The following MYO16 variants were observed in gnomAD, a reference collection of about 807,000 sequenced individuals.
MYO16 encodes myosin XVI, also known as unconventional myosin-XVI.
Under a neutral mutation model 205.3 loss-of-function variants are expected in MYO16, and 94 were observed. That is an observed-to-expected ratio of 0.46 (90% CI 0.39 to 0.54). MYO16 has a LOEUF of 0.54. Among genes scored for constraint, MYO16 ranks in the 20% least tolerant of loss-of-function variants. The pLI is 0.00. For synonymous variants in MYO16, 988 were observed against 954.0 expected, an observed-to-expected ratio of 1.04 and a Z score of -0.66; for missense variants, 2,315 against 2,387.5, an observed-to-expected ratio of 0.97 and a Z score of 0.63.
chr13:108,733,196 A>G (rs569842095), intron 4 of MYO16, among the ~76,000 whole-genome samples: 3 of 152,304 alleles, frequency 2.0e-5, no homozygotes, highest in East Asian at 1.9e-4. Context: ...TGCTACTTGA[A>G]TTGAACCACA....
chr13:108,607,671 C>T (rs999297834), intron 1 of MYO16, among the ~76,000 whole-genome samples: 5 of 152,118 alleles, frequency 3.3e-5, no homozygotes, highest in Admixed American at 2.0e-4. Context: ...AAATAACAAA[C>T]TAATACATGT....
intron 2 of MYO16, among the ~76,000 whole-genome samples, chr13:108,707,469 T>C (rs1420691530): frequency 1.3e-5 from 2 of 152,144 alleles, no homozygotes; most frequent in South Asian, 2.1e-4. Context: ...TCGAGGGTCA[T>C]TGCCCAGACT....
intron 4 of MYO16, among the ~76,000 whole-genome samples, chr13:108,760,678 G>A (rs1170421143): frequency 6.6e-6 from 1 of 152,156 alleles, no homozygotes; most frequent in Admixed American, 6.6e-5. Context: ...TCACTCATAT[G>A]TGGGGACTAA....
the MYO16 span, among the ~76,000 whole-genome samples, chr13:108,546,797 G>A: frequency 2.0e-5 from 3 of 152,168 alleles, no homozygotes; most frequent in African/African-American, 7.2e-5. Context: ...TTGTTTGTCA[G>A]TGTAGTCAAA....
At chr13:109,193,414 C>T (rs1006647768) in intron 34 of MYO16, among the ~76,000 whole-genome samples, 1 of 152,148 alleles carries the variant, frequency 6.6e-6, no homozygotes, top group African/African-American at 2.4e-5. Context: ...CATTGATTTG[C>T]TAATCTGTGC....
At chr13:109,084,838 A>G (rs1209479214) in intron 27 of MYO16, among the ~76,000 whole-genome samples, 1 of 152,024 alleles carries the variant, frequency 6.6e-6, no homozygotes, top group Non-Finnish European at 1.5e-5. Flanking sequence ...ATGCACAAAA[A>G]AGCCCCTATC....
intron 32 of MYO16, among the ~76,000 whole-genome samples, chr13:109,144,164 A>T (rs548831818): frequency 6.6e-6 from 1 of 151,774 alleles, no homozygotes. Context: ...ACAAGCGCCC[A>T]CTACCATGCC....
intron 9 of MYO16, among the ~76,000 whole-genome samples, chr13:108,832,233 C>G (rs1235386287): frequency 4.6e-5 from 7 of 151,098 alleles, no homozygotes; most frequent in African/African-American, 1.7e-4. Context: ...ACCTCCGCCT[C>G]CTGGGCTCAA....
intron 10 of MYO16, 92 bp from the exon 11 acceptor site, chr13:108,855,351 G>T: frequency 7.6e-6 from 4 of 523,288 alleles, no homozygotes; most frequent in Non-Finnish European, 9.3e-6. Context: ...GTCTTCAAAT[G>T]TTTGACAGGT....
intron 32 of MYO16, among the ~76,000 whole-genome samples, chr13:109,152,242 AC>A (rs570609889): frequency 1.1e-3 from 165 of 152,284 alleles, no homozygotes; most frequent in Non-Finnish European, 2.0e-3. Context: ...CTTTCGAGTA[AC>A]TATTTCAGTC....
chr13:109,011,597 C>T (rs1367485962), intron 22 of MYO16, among the ~76,000 whole-genome samples: 2 of 151,460 alleles, frequency 1.3e-5, no homozygotes, highest in Non-Finnish European at 2.9e-5. Flanking sequence ...TCACTGCAGC[C>T]TCTGCCTCCT....
At chr13:109,120,339 G>A in intron 28 of MYO16, 31 bp from the exon 29 acceptor site, 1 of 1,478,900 alleles carries the variant, frequency 6.8e-7, no homozygotes, top group Non-Finnish European at 9.4e-7. Flanking sequence ...TCTTCATGCT[G>A]TTAAATGTTT....
intron 34 of MYO16, among the ~76,000 whole-genome samples, chr13:109,202,416 A>G (rs2139974181): frequency 6.6e-6 from 1 of 152,290 alleles, no homozygotes; most frequent in East Asian, 1.9e-4. Context: ...GAAAGGTGGT[A>G]TCACATTCTG....
chr13:108,869,834 TG>T (rs1183269977), intron 12 of MYO16, among the ~76,000 whole-genome samples: 27 of 151,070 alleles, frequency 1.8e-4, no homozygotes, highest in African/African-American at 6.3e-4. Flanking sequence ...TTATCTAGTG[TG>T]TTTTAAAAAT....
Position 108,712,700 on chromosome 13 carries a change from T to C in MYO16, c.332T>C (p.Leu111Pro), listed in dbSNP as rs1459375634. The change falls in exon 3 of 35, where the codon CTC becomes CCC. Residue 111 changes from leucine to proline, a missense_variant. Leu to Pro is a moderately conservative substitution (Grantham distance 98, BLOSUM62 -3). Coordinates refer to ENST00000457511, the MANE Select transcript of MYO16 (RefSeq NM_001198950.3). ...LLKEGADPHTLVSSGGSLLHL... is the reference protein window; with the variant it reads ...LLKEGADPHTPVSSGGSLLHL... ...AAGGAGGGGGCAGACCCCCACACCC[T>C]CGTCTCCTCGGGAGGGTCCCTGCTC... The C allele has an allele frequency of 6.2e-7, 1 of 1,614,030 alleles. No individual in the cohort carries two copies. The highest frequency in any genetic ancestry group is 1.1e-5 in the South Asian group (1 of 91,062).
At chr13:109,109,506 C>T (rs370430868) in intron 28 of MYO16, among the ~76,000 whole-genome samples, 4 of 151,698 alleles carry the variant, frequency 2.6e-5, no homozygotes, top group Non-Finnish European at 5.9e-5. Context: ...AGCTGGGAAA[C>T]GAGTTCCCAA....
At chr13:108,661,825 G>A (rs528567058) in intron 1 of MYO16, among the ~76,000 whole-genome samples, 4 of 152,230 alleles carry the variant, frequency 2.6e-5, no homozygotes, top group South Asian at 4.2e-4. Flanking sequence ...CATTGCTGAT[G>A]AACTAACGTG....
chr13:108,956,590 G>T (rs558181430), intron 16 of MYO16, among the ~76,000 whole-genome samples: 7 of 151,798 alleles, frequency 4.6e-5, no homozygotes, highest in Non-Finnish European at 1.0e-4. Flanking sequence ...TCATCTCACC[G>T]TAGGCTCCAA....
chr13:109,105,158 G>A (rs1352917402), intron 28 of MYO16, among the ~76,000 whole-genome samples: 2 of 152,236 alleles, frequency 1.3e-5, no homozygotes, highest in East Asian at 1.9e-4. Flanking sequence ...TACACTTGAT[G>A]TGGATGCAAA....
Sources: gnomAD v4.1 joint callset for allele counts (sites outside exome capture counted in the v4.1 genomes callset) on GRCh38, gnomAD v4.1.1 for gene constraint, MANE v1.5 for transcripts, NCBI Gene and HGNC (gene_info 2026-07-23, HGNC 2026-07-21) for gene names.